SAMD5: variants seen among roughly 807,000 people sequenced by gnomAD.
SAMD5 encodes sterile alpha motif domain containing 5.
In SAMD5, 13 loss-of-function variants were observed where a neutral mutation model predicts 11.3. That is an observed-to-expected ratio of 1.15 (90% CI 0.75 to 1.83). SAMD5 has a LOEUF of 1.83. Ranked by LOEUF, SAMD5 falls within the 40% of genes most tolerant of loss-of-function variation. The pLI, the probability that SAMD5 is intolerant of heterozygous loss-of-function variation, is 0.00. For missense variants in SAMD5, 255 were observed against 239.1 expected (o/e 1.07, Z -0.44); for synonymous variants, 129 against 111.3 (o/e 1.16, Z -1.00).
At chr6:147,943,863 T>C in the SAMD5 span, among the ~76,000 whole-genome samples, 1 of 152,206 alleles carries the variant, frequency 6.6e-6, no homozygotes, top group South Asian at 2.1e-4. Flanking sequence ...TCTGCATGTG[T>C]AAAAACTGAA....
chr6:147,582,907 C>G (rs1789319901), intron 1 of SAMD5, among the ~76,000 whole-genome samples: 1 of 152,144 alleles, frequency 6.6e-6, no homozygotes, highest in Non-Finnish European at 1.5e-5. Context: ...CGTGTGCCTA[C>G]CACAGTGTAC....
intron 1 of SAMD5, among the ~76,000 whole-genome samples, chr6:147,552,945 G>A (rs1788797620): frequency 6.6e-6 from 1 of 152,178 alleles, no homozygotes; most frequent in African/African-American, 2.4e-5. Flanking sequence ...TAATGGTGCT[G>A]AACATCCATT....
the SAMD5 span, among the ~76,000 whole-genome samples, chr6:147,785,253 T>C: frequency 1.6e-4 from 24 of 152,288 alleles, no homozygotes; most frequent in Non-Finnish European, 3.1e-4. Flanking sequence ...AGTGCCTTCC[T>C]TCCTTACCTC....
the SAMD5 span, among the ~76,000 whole-genome samples, chr6:147,904,467 T>C: frequency 6.6e-6 from 1 of 152,206 alleles, no homozygotes; most frequent in Non-Finnish European, 1.5e-5. Context: ...GTCAGTCTAG[T>C]CACCCAGCTT....
the SAMD5 span, among the ~76,000 whole-genome samples, chr6:147,855,718 C>T: frequency 2.0e-5 from 3 of 152,124 alleles, no homozygotes; most frequent in African/African-American, 7.2e-5. Context: ...TTCTGCTTAG[C>T]TTAGCATATT....
At chr6:147,536,383 G>A (rs4896923) in intron 1 of SAMD5, among the ~76,000 whole-genome samples, 79,376 of 151,992 alleles carry the variant, frequency 0.52, 21,090 homozygotes, top group East Asian at 0.7. Context: ...AGGTAGAGAG[G>A]AACAAAATAT....
At chr6:147,758,511 G>A in the SAMD5 span, among the ~76,000 whole-genome samples, 1 of 152,208 alleles carries the variant, frequency 6.6e-6, no homozygotes, top group Non-Finnish European at 1.5e-5. Flanking sequence ...TATCAGTGAT[G>A]TTGCAAATGT....
the SAMD5 span, among the ~76,000 whole-genome samples, chr6:147,782,923 C>G: frequency 1.3e-5 from 2 of 152,096 alleles, no homozygotes; most frequent in African/African-American, 4.8e-5. Flanking sequence ...TTTATTCTAG[C>G]TGGTTATTTA....
chr6:147,915,818 C>T, the SAMD5 span, among the ~76,000 whole-genome samples: 7 of 151,914 alleles, frequency 4.6e-5, no homozygotes, highest in Non-Finnish European at 1.0e-4. Flanking sequence ...TTGTTACATA[C>T]GTATACATGT....
At chr6:147,626,842 A>G (rs1790060262) in intron 1 of SAMD5, among the ~76,000 whole-genome samples, 1 of 149,988 alleles carries the variant, frequency 6.7e-6, no homozygotes, top group African/African-American at 2.4e-5. Flanking sequence ...AAGTGAAGCC[A>G]TATGAAGTAC....
chr6:147,843,572 C>A, the SAMD5 span, among the ~76,000 whole-genome samples: 1 of 152,128 alleles, frequency 6.6e-6, no homozygotes, highest in Non-Finnish European at 1.5e-5. Context: ...CTGGGGTCAT[C>A]ACACCATGGG....
chr6:147,905,577 A>G, the SAMD5 span, among the ~76,000 whole-genome samples: 79 of 152,352 alleles, frequency 5.2e-4, no homozygotes, highest in African/African-American at 1.9e-3. Flanking sequence ...CCACCTAGAT[A>G]TAATCACTGT....
chr6:147,616,796 A>G (rs1789880139), intron 1 of SAMD5, among the ~76,000 whole-genome samples: 2 of 152,236 alleles, frequency 1.3e-5, no homozygotes, highest in African/African-American at 4.8e-5. Context: ...GCAGCAGGAA[A>G]GAGAGCTAAA....
the SAMD5 span, among the ~76,000 whole-genome samples, chr6:147,893,112 G>A: frequency 1.3e-5 from 2 of 151,620 alleles, no homozygotes; most frequent in Non-Finnish European, 2.9e-5. Context: ...TGAGACAGGA[G>A]AATCGCTTGA....
At chr6:147,884,284 T>C in the SAMD5 span, among the ~76,000 whole-genome samples, 25,106 of 152,044 alleles carry the variant, frequency 0.17, 2,313 homozygotes, top group Admixed American at 0.28. Context: ...GGAACGGAGA[T>C]TGATGAGCGT....
chr6:147,725,387 CTTTTT>C (rs10711772), intron 1 of SAMD5, among the ~76,000 whole-genome samples: 2 of 119,218 alleles, frequency 1.7e-5, no homozygotes, highest in Non-Finnish European at 1.7e-5. Context: ...ACTGACCTGG[CTTTTT>C]TTTTTTTTTT....
chr6:147,611,534 G>A lies in SAMD5; in HGVS notation c.162+102147G>A, dbSNP rs143203404. ...GCCGAGATCACACCACTGTACTCCA[G>A]CCTGGGTGACAGAACAAGACTCCGT... On this transcript the variant is annotated intron_variant, in intron 1 of 1. Transcript: ENST00000566741. Among the ~76,000 whole-genome samples, 977 of 152,226 alleles carry A rather than the reference G, an allele frequency of 6.4e-3. 10 individuals carry two copies. The highest frequency in any genetic ancestry group is 0.021 in the African/African-American group (890 of 41,556).
the SAMD5 span, among the ~76,000 whole-genome samples, chr6:147,920,400 A>G: frequency 3.7e-4 from 57 of 152,284 alleles, 1 homozygote; most frequent in East Asian, 4.2e-3. Context: ...ACCTTTAGCC[A>G]CAGACTGAAG....
chr6:147,569,890 A>G lies in SAMD5; in HGVS notation c.*5434A>G, dbSNP rs932530456. ...TCCCTTTCAGTTATTATTTTTTTTA[A>G]AGGACGTTATGAGAAGGCACTATGA... On this transcript the variant is annotated 3_prime_UTR_variant, in exon 2 of 2. Transcript: ENST00000367474. 2 of 985,152 alleles carry G rather than the reference A, an allele frequency of 2.0e-6. No homozygotes were observed. The highest frequency in any genetic ancestry group is 1.7e-5 in the African/African-American group (1 of 57,218). The allele number at this position is 985,152 out of a possible 1,614,324, so 61.0% of individuals were successfully genotyped here.
Sources: gnomAD v4.1 joint callset for allele counts (sites outside exome capture counted in the v4.1 genomes callset) on GRCh38, gnomAD v4.1.1 for gene constraint, MANE v1.5 for transcripts, NCBI Gene and HGNC (gene_info 2026-07-23, HGNC 2026-07-21) for gene names.